Variants in SERINC5 observed in about 807,000 individuals in gnomAD.
The protein encoded by SERINC5 is chromosome 5 open reading frame 12.
In SERINC5, 41 loss-of-function variants were observed where a neutral mutation model predicts 63.1. The ratio of observed to expected loss-of-function variants is 0.65; its 90% CI spans 0.51 to 0.84. The LOEUF is 0.84. Among genes scored for constraint, SERINC5 ranks in the 40% least tolerant of loss-of-function variants. The pLI is 0.00. For synonymous variants in SERINC5, 222 were observed against 215.2 expected (o/e 1.03, Z -0.28); for missense variants, 523 against 573.0 (o/e 0.91, Z 0.89).
At position 80,200,811 on chromosome 5, in the gene SERINC5, A is replaced by G. The variant is rs527614241; in HGVS notation, c.195+2075T>C. 1.9e-4 allele frequency among the ~76,000 whole-genome samples: 28 copies of G among 143,920 alleles called. No individual in the cohort carries two copies. In the Middle Eastern group the frequency reaches 0.011, roughly 55 times the overall value. The allele number at this position is 143,920 out of a possible 152,430, so 94.4% of individuals were successfully genotyped here. A position where few individuals can be genotyped will look rare whatever the true frequency, so the allele number is the denominator to read the frequency against. On this transcript the variant is annotated intron_variant, in intron 2 of 11. Transcript: ENST00000507668. ...GTGTATTTAAAATAGCCCTAGTTTC[A>G]GGCCAGGCATGGTGGCTCACGCATG... is the stretch of plus-strand genomic sequence containing the variant.
intron 1 of SERINC5, among the ~76,000 whole-genome samples, chr5:80,206,462 A>T (rs1750168410): frequency 6.6e-6 from 1 of 152,054 alleles, no homozygotes; most frequent in Non-Finnish European, 1.5e-5. Flanking sequence ...TTTCCTAACC[A>T]ACTCTCTCCA....
intron 2 of SERINC5, among the ~76,000 whole-genome samples, chr5:80,182,304 TATTTCAAGCTC>T (rs1397094167): frequency 1.3e-5 from 2 of 152,236 alleles, no homozygotes; most frequent in East Asian, 3.9e-4. Flanking sequence ...CTTCTTTGCG[TATTTCAAGCTC>T]GTTATTCTGA....
chr5:80,165,769 A>G (rs2112371405), intron 7 of SERINC5, among the ~76,000 whole-genome samples: 1 of 152,290 alleles, frequency 6.6e-6, no homozygotes, highest in South Asian at 2.1e-4. Flanking sequence ...AAGAAATACA[A>G]CTAAAGAGGT....
In SERINC5 at chr5:80,152,413, A is replaced by C. The variant is rs557976989; in HGVS notation, c.987-1465T>G. Among the ~76,000 whole-genome samples, 10 of 151,916 alleles carry C rather than the reference A, an allele frequency of 6.6e-5. No homozygotes were observed. In the East Asian group the frequency reaches 7.8e-4, roughly 12 times the overall value. ...CTACTGGGGAGGCTGAAGCAGGAGA[A>C]TAAATTGAGCCTGGGAGGTTGTAGT... On this transcript the variant is annotated intron_variant, in intron 8 of 11. Transcript: ENST00000507668.
intron 11 of SERINC5, among the ~76,000 whole-genome samples, chr5:80,129,417 C>T (rs1302772227): frequency 2.0e-5 from 3 of 152,194 alleles, no homozygotes; most frequent in African/African-American, 7.2e-5. Flanking sequence ...GATCTTCCCA[C>T]CTCAGCCTTA....
intron 2 of SERINC5, among the ~76,000 whole-genome samples, chr5:80,188,042 T>C (rs2112450096): frequency 6.6e-6 from 1 of 152,230 alleles, no homozygotes; most frequent in Admixed American, 6.5e-5. Context: ...CCTAGCACTT[T>C]GGGAGGCCGA....
At chr5:80,235,296 C>T (rs902807904) in intron 1 of SERINC5, among the ~76,000 whole-genome samples, 2 of 152,130 alleles carry the variant, frequency 1.3e-5, no homozygotes, top group African/African-American at 4.8e-5. Context: ...GTATAATATT[C>T]CATTGTTAAT....
At chr5:80,131,980 C>T (rs1455441114) in intron 11 of SERINC5, among the ~76,000 whole-genome samples, 1 of 152,028 alleles carries the variant, frequency 6.6e-6, no homozygotes, top group African/African-American at 2.4e-5. Flanking sequence ...ACCCAGAAGG[C>T]ATATGGAGAA....
chr5:80,236,527 CTTT>C (rs770470139), intron 1 of SERINC5, among the ~76,000 whole-genome samples: 174 of 143,704 alleles, frequency 1.2e-3, no homozygotes, highest in African/African-American at 4.2e-3. Context: ...AGTCCTAAAT[CTTT>C]TTTTTTTTTT....
chr5:80,186,488 C>T (rs999148023), intron 2 of SERINC5, among the ~76,000 whole-genome samples: 1 of 152,042 alleles, frequency 6.6e-6, no homozygotes, highest in African/African-American at 2.4e-5. Context: ...AACTGAGGTC[C>T]AAAAAATAGC....
At chr5:80,237,333 G>T (rs191956993) in intron 1 of SERINC5, among the ~76,000 whole-genome samples, 7 of 134,988 alleles carry the variant, frequency 5.2e-5, no homozygotes, top group Non-Finnish European at 8.1e-5. Context: ...AGAAGAAGAG[G>T]GCTTTCTCTC....
downstream of SERINC5, among the ~76,000 whole-genome samples, chr5:80,111,313 G>A (rs1580005482): frequency 6.6e-6 from 1 of 152,234 alleles, no homozygotes; most frequent in East Asian, 1.9e-4. Context: ...GCTAGATTTT[G>A]TTTTATACTT....
Position 80,141,299 on chromosome 5 carries a change from T to C in SERINC5, c.*2364A>G. Reference sequence around the variant, plus strand: ...ACCAGACTCACGCATCTGGAAAACGTTGTGTGGCTGGGCTGGCTCCAGAAG... The same window carrying C: ...ACCAGACTCACGCATCTGGAAAACGCTGTGTGGCTGGGCTGGCTCCAGAAG... On this transcript the variant is annotated 3_prime_UTR_variant, in exon 12 of 12. Coordinates refer to ENST00000507668, the MANE Select transcript of SERINC5 (RefSeq NM_001174072.3). 2 of 985,316 alleles carry C rather than the reference T, an allele frequency of 2.0e-6. No individual in the cohort carries two copies. Among genetic ancestry groups the C allele is most frequent in the Non-Finnish European group, 2.4e-6 (2 of 829,918 alleles). 61.0% of individuals were successfully genotyped at this position (985,316 alleles called of 1,614,324 possible).
At chr5:80,162,670 G>C (rs1201526947) in intron 7 of SERINC5, among the ~76,000 whole-genome samples, 3 of 151,748 alleles carry the variant, frequency 2.0e-5, no homozygotes, top group Non-Finnish European at 4.4e-5. Context: ...AACTACACAT[G>C]GCCCCTCCTT....
chr5:80,249,137 AC>A (rs1329172422), intron 1 of SERINC5, among the ~76,000 whole-genome samples: 1 of 151,974 alleles, frequency 6.6e-6, no homozygotes, highest in African/African-American at 2.4e-5. Flanking sequence ...ACATGGTGAA[AC>A]CCCGTCTCTA....
At chr5:80,220,204 T>C (rs1580183839) in intron 1 of SERINC5, among the ~76,000 whole-genome samples, 1 of 129,842 alleles carries the variant, frequency 7.7e-6, no homozygotes, top group Non-Finnish European at 1.6e-5. Flanking sequence ...CAAGACTCTG[T>C]CTCAATAAAT....
chr5:80,235,552 T>C (rs947206276), intron 1 of SERINC5, among the ~76,000 whole-genome samples: 2 of 152,138 alleles, frequency 1.3e-5, no homozygotes, highest in African/African-American at 4.8e-5. Flanking sequence ...TTTTTAACTT[T>C]GCCAATGAAA....
chr5:80,166,703 G>A (rs1747326560), intron 6 of SERINC5: 1 of 387,652 alleles, frequency 2.6e-6, no homozygotes, highest in East Asian at 5.2e-5. Flanking sequence ...AAGACATCAG[G>A]TTCTGCCAAG....
Position 80,140,998 on chromosome 5 carries a change from G to A in SERINC5, c.*2665C>T, listed in dbSNP as rs1745473336. ...TTGTTATAGGAACTCAAAGCCATTG[G>A]CACAATGTTTCCAGTTTCTCAAATC... On this transcript the variant is annotated 3_prime_UTR_variant, in exon 12 of 12. Coordinates refer to ENST00000507668, the MANE Select transcript of SERINC5 (RefSeq NM_001174072.3). 2.0e-6 allele frequency: 2 copies of A among 985,182 alleles called. No individual in the cohort carries two copies. 61.0% of individuals were successfully genotyped at this position (985,182 alleles called of 1,614,324 possible). A position where few individuals can be genotyped will look rare whatever the true frequency, so the allele number is the denominator to read the frequency against.
Sources: allele counts gnomAD v4.1 joint callset (sites outside exome capture counted in the v4.1 genomes callset), GRCh38; gene constraint gnomAD v4.1.1; transcripts MANE v1.5; gene names NCBI Gene and HGNC (gene_info 2026-07-23, HGNC 2026-07-21).